The following HDAC9 variants were observed in gnomAD, a reference collection of about 807,000 sequenced individuals.
The protein encoded by HDAC9 is MEF-2 interacting transcription repressor (MITR) protein.
Under a neutral mutation model 139.4 loss-of-function variants are expected in HDAC9, and 41 were observed. The ratio of observed to expected loss-of-function variants is 0.29; its 90% CI spans 0.23 to 0.38. HDAC9 has a LOEUF of 0.38. Among genes scored for constraint, HDAC9 ranks in the 10% least tolerant of loss-of-function variants. The pLI, the probability that HDAC9 is intolerant of heterozygous loss-of-function variation, is 1.00. For synonymous variants in HDAC9, 517 were observed against 476.2 expected (o/e 1.09, Z -1.12); for missense variants, 1,147 against 1,297.0 (o/e 0.88, Z 1.78).
intron 1 of HDAC9, among the ~76,000 whole-genome samples, chr7:18,324,462 T>A (rs1042367997): frequency 2.0e-5 from 3 of 152,178 alleles, no homozygotes; most frequent in Non-Finnish European, 4.4e-5. Context: ...ATATTGTAGG[T>A]ACTTCATAAT....
chr7:18,626,209 C>T (rs1312095767), intron 6 of HDAC9, among the ~76,000 whole-genome samples: 1 of 152,026 alleles, frequency 6.6e-6, no homozygotes, highest in Non-Finnish European at 1.5e-5. Context: ...ATAGTGGCTT[C>T]CAGAGGGAGA....
chr7:18,526,061 T>A (rs1806799285), intron 2 of HDAC9, among the ~76,000 whole-genome samples: 1 of 152,134 alleles, frequency 6.6e-6, no homozygotes, highest in African/African-American at 2.4e-5. Flanking sequence ...TTTTTAGGGG[T>A]ACATAAATAA....
At chr7:18,981,783 C>T (rs1055282440) in intron 25 of HDAC9, among the ~76,000 whole-genome samples, 1 of 152,168 alleles carries the variant, frequency 6.6e-6, no homozygotes, top group Non-Finnish European at 1.5e-5. Flanking sequence ...ATCACAACTA[C>T]AAAATCACTT....
chr7:18,612,048 GT>G (rs1470926441), intron 6 of HDAC9, among the ~76,000 whole-genome samples: 2 of 152,094 alleles, frequency 1.3e-5, no homozygotes, highest in East Asian at 3.8e-4. Flanking sequence ...CTGAGAAATT[GT>G]AAATGTCATA....
At chr7:18,947,413 C>T (rs1391095292) in intron 23 of HDAC9, among the ~76,000 whole-genome samples, 1 of 151,734 alleles carries the variant, frequency 6.6e-6, no homozygotes, top group East Asian at 1.9e-4. Context: ...GAAAAGGAGA[C>T]TTCACTACAG....
intron 1 of HDAC9, among the ~76,000 whole-genome samples, chr7:18,135,211 A>T (rs919259534): frequency 4.0e-4 from 60 of 151,288 alleles, no homozygotes; most frequent in African/African-American, 1.4e-3. Flanking sequence ...AAAATACAAA[A>T]TCCTCTTAGG....
intron 1 of HDAC9, among the ~76,000 whole-genome samples, chr7:18,437,886 T>C (rs1425437850): frequency 3.3e-5 from 5 of 151,294 alleles, no homozygotes; most frequent in Non-Finnish European, 5.9e-5. Context: ...TCCAGATCCC[T>C]TTTTCTGAAC....
At chr7:18,257,865 C>T (rs1035174229) in intron 2 of HDAC9, among the ~76,000 whole-genome samples, 28 of 152,156 alleles carry the variant, frequency 1.8e-4, no homozygotes, top group African/African-American at 6.3e-4. Flanking sequence ...TTACAGAGGT[C>T]AAAAAAATGT....
rs1180130986 is a variant in HDAC9, at chr7:18,496,037, G to T, written c.-42+14G>T. Reference sequence around the variant, plus strand: ...CTTTGCACACAGGTTGGTAACATGGGAAAAGTGTCCAGGTCTTTTTAAAAG... The same window carrying T: ...CTTTGCACACAGGTTGGTAACATGGTAAAAGTGTCCAGGTCTTTTTAAAAG... On this transcript the variant is annotated intron_variant, in intron 1 of 25. Coordinates refer to ENST00000686413, the MANE Select transcript of HDAC9 (RefSeq NM_178425.4). The T allele has an allele frequency of 3.5e-6, 5 of 1,433,990 alleles. No individual in the cohort carries two copies. Among genetic ancestry groups the T allele is most frequent in the Non-Finnish European group, 9.1e-7 (1 of 1,098,330 alleles). The allele number at this position is 1,433,990 out of a possible 1,614,324, so 88.8% of individuals were successfully genotyped here. A position where few individuals can be genotyped will look rare whatever the true frequency, so the allele number is the denominator to read the frequency against.
At chr7:18,213,175 C>A (rs372543841) in intron 2 of HDAC9, among the ~76,000 whole-genome samples, 4 of 152,104 alleles carry the variant, frequency 2.6e-5, no homozygotes, top group Admixed American at 6.6e-5. Context: ...ATACTTTTGA[C>A]AGGTTACAGA....
intron 1 of HDAC9, among the ~76,000 whole-genome samples, chr7:18,319,044 T>G (rs1047950309): frequency 6.6e-6 from 1 of 152,344 alleles, no homozygotes; most frequent in Middle Eastern, 3.4e-3. Flanking sequence ...TGACAAGCAC[T>G]GATACAAACA....
intron 13 of HDAC9, among the ~76,000 whole-genome samples, chr7:18,747,805 C>T (rs774977088): frequency 8.5e-5 from 13 of 152,100 alleles, no homozygotes; most frequent in Non-Finnish European, 1.8e-4. Context: ...AATGCAGGTG[C>T]CATTCTTCTG....
intron 2 of HDAC9, among the ~76,000 whole-genome samples, chr7:18,537,504 A>T (rs1190289354): frequency 6.6e-6 from 1 of 152,218 alleles, no homozygotes. Flanking sequence ...TAAATAAAAT[A>T]AATAGGGATC....
At chr7:18,446,434 AG>A (rs1323729580) in intron 1 of HDAC9, among the ~76,000 whole-genome samples, 8 of 152,200 alleles carry the variant, frequency 5.3e-5, no homozygotes, top group Non-Finnish European at 7.4e-5. Context: ...AAACTGGGAA[AG>A]GTTTAGGGAT....
chr7:18,767,169 G>C lies in HDAC9; in HGVS notation c.2214+14G>C. 2 of 1,511,030 alleles carry C rather than the reference G, an allele frequency of 1.3e-6. No homozygotes were observed. Among genetic ancestry groups the C allele is most frequent in the Non-Finnish European group, 1.8e-6 (2 of 1,112,212 alleles). 93.6% of individuals were successfully genotyped at this position (1,511,030 alleles called of 1,614,324 possible). A position where few individuals can be genotyped will look rare whatever the true frequency, so the allele number is the denominator to read the frequency against. ...GGTGGACTTGGGGTAAGTACAAGTT[G>C]GTTTACTGCCTTTAAATAACATAAA... On this transcript the variant is annotated intron_variant, in intron 16 of 25. Coordinates refer to ENST00000686413, the MANE Select transcript of HDAC9 (RefSeq NM_178425.4).
chr7:18,902,406 C>T (rs568852556), intron 22 of HDAC9, among the ~76,000 whole-genome samples: 1 of 151,730 alleles, frequency 6.6e-6, no homozygotes, highest in Admixed American at 6.6e-5. Flanking sequence ...TGCTTTTAGC[C>T]AAAAAAGAAG....
intron 12 of HDAC9, among the ~76,000 whole-genome samples, chr7:18,703,897 A>C (rs1783687935): frequency 6.6e-6 from 1 of 152,010 alleles, no homozygotes; most frequent in Non-Finnish European, 1.5e-5. Context: ...CATTCAGTCC[A>C]TTACTAATTT....
intron 17 of HDAC9, among the ~76,000 whole-genome samples, chr7:18,798,156 T>G (rs1585055087): frequency 6.6e-6 from 1 of 151,936 alleles, no homozygotes; most frequent in African/African-American, 2.4e-5. Flanking sequence ...TAACAAAGAG[T>G]AAAACAGTCC....
chr7:18,787,183 GT>G (rs533354220), intron 16 of HDAC9, among the ~76,000 whole-genome samples: 378 of 152,188 alleles, frequency 2.5e-3, no homozygotes, highest in African/African-American at 8.9e-3. Context: ...GAGAGATTCT[GT>G]ACTACTTCAG....
Sources: allele counts gnomAD v4.1 joint callset (sites outside exome capture counted in the v4.1 genomes callset), GRCh38; gene constraint gnomAD v4.1.1; transcripts MANE v1.5; gene names NCBI Gene and HGNC (gene_info 2026-07-23, HGNC 2026-07-21).